Variants in ZDHHC3 observed in about 807,000 individuals in gnomAD.
ZDHHC3 encodes palmitoyltransferase ZDHHC3.
ZDHHC3 carries 9 observed loss-of-function variants against 30.6 expected under a neutral mutation model. The observed-to-expected ratio is 0.29, with a 90% CI of 0.18 to 0.51. ZDHHC3 has a LOEUF of 0.51. Ranked by LOEUF, ZDHHC3 falls within the 20% of genes least tolerant of loss-of-function variation. The probability of loss-of-function intolerance (pLI) is 0.97; values close to 1 mark genes in which losing one functional copy is unlikely to be tolerated. For missense variants in ZDHHC3, 246 were observed against 384.2 expected, an observed-to-expected ratio of 0.64 and a Z score of 3.01; for synonymous variants, 136 against 140.2, an observed-to-expected ratio of 0.97 and a Z score of 0.21.
At chr3:44,933,317 G>A in intron 4 of ZDHHC3, 118 bp from the exon 5 acceptor site, 2 of 845,272 alleles carry the variant, frequency 2.4e-6, no homozygotes, top group South Asian at 3.1e-5. Flanking sequence ...GACAAGGCCT[G>A]ACCAGGAGGG....
chr3:44,935,414 T>C (rs1701872479), intron 3 of ZDHHC3, among the ~76,000 whole-genome samples: 1 of 152,124 alleles, frequency 6.6e-6, no homozygotes, highest in African/African-American at 2.4e-5. Flanking sequence ...GGACCACAGG[T>C]GCACGCCACC....
chr3:44,927,657 T>C (rs970623704), intron 6 of ZDHHC3, among the ~76,000 whole-genome samples: 3 of 152,258 alleles, frequency 2.0e-5, no homozygotes, highest in African/African-American at 7.2e-5. Flanking sequence ...CTTCCCCTGC[T>C]AAGTCTCAGG....
intron 2 of ZDHHC3, among the ~76,000 whole-genome samples, chr3:44,958,373 T>C (rs559056000): frequency 6.6e-6 from 1 of 152,288 alleles, no homozygotes; most frequent in African/African-American, 2.4e-5. Context: ...TAGCAGTGCT[T>C]TCCCTCTCTT....
At position 44,918,249 on chromosome 3, in the gene ZDHHC3, G is replaced by A. The variant is rs1442972086; in HGVS notation, c.*8440C>T. The A allele has an allele frequency of 4.1e-6, 5 of 1,207,556 alleles. No individual in the cohort carries two copies. Among genetic ancestry groups the A allele is most frequent in the Non-Finnish European group, 5.3e-6 (5 of 943,206 alleles). 74.8% of individuals were successfully genotyped at this position (1,207,556 alleles called of 1,614,324 possible). On this transcript the variant is annotated 3_prime_UTR_variant, in exon 7 of 7. Coordinates refer to ENST00000424952, the MANE Select transcript of ZDHHC3 (RefSeq NM_001135179.2). ...TAGCAGTGGCGGGGGGGGGGGCGGG[G>A]TGTCCACGGCATGGGTAAGATGGGG...
intron 2 of ZDHHC3, among the ~76,000 whole-genome samples, chr3:44,957,821 C>T (rs747767128): frequency 2.0e-5 from 3 of 152,238 alleles, no homozygotes; most frequent in Non-Finnish European, 2.9e-5. Context: ...CCTGTCTTTT[C>T]TAGACAGAGG....
intron 2 of ZDHHC3, chr3:44,958,818 T>C: frequency 2.3e-6 from 2 of 855,530 alleles, no homozygotes; most frequent in Non-Finnish European, 1.8e-6. Flanking sequence ...CAAGGTTATC[T>C]GTGTCTTTTT....
intron 3 of ZDHHC3, chr3:44,938,317 C>T (rs1231996204): frequency 1.1e-5 from 2 of 183,172 alleles, no homozygotes; most frequent in Non-Finnish European, 2.3e-5. Flanking sequence ...AGATTGTCAA[C>T]ATTGCTCTAC....
At chr3:44,940,720 G>C (rs1008116654) in intron 3 of ZDHHC3, among the ~76,000 whole-genome samples, 50 of 152,120 alleles carry the variant, frequency 3.3e-4, no homozygotes, top group African/African-American at 1.2e-3. Flanking sequence ...CATTTTTTCA[G>C]GCCTCAAACC....
intron 4 of ZDHHC3, 108 bp downstream of exon 4, chr3:44,933,780 C>CCA: frequency 1.0e-6 from 1 of 1,002,442 alleles, no homozygotes; most frequent in Non-Finnish European, 1.6e-6. Flanking sequence ...ATCTACAGGG[C>CCA]CAGGCAGTAT....
At chr3:44,939,443 T>C (rs1028187306) in intron 3 of ZDHHC3, among the ~76,000 whole-genome samples, 4 of 152,250 alleles carry the variant, frequency 2.6e-5, no homozygotes, top group African/African-American at 9.6e-5. Flanking sequence ...GCTCCCACCA[T>C]AGAGCCTGTT....
Position 44,924,014 on chromosome 3 carries a change from A to C in ZDHHC3, c.*2675T>G, listed in dbSNP as rs1700798491. The stretch of plus-strand genomic sequence containing the variant: ...CAAACCTGACAGAGTTGACAGAAGG[A>C]AAGCAAGCTGGGGATCACAATCCAA... On this transcript the variant is annotated 3_prime_UTR_variant, in exon 7 of 7. Coordinates refer to ENST00000424952, the MANE Select transcript of ZDHHC3 (RefSeq NM_001135179.2). 2 of 985,338 alleles carry C rather than the reference A, an allele frequency of 2.0e-6. No individual in the cohort carries two copies. The highest frequency in any genetic ancestry group is 3.5e-5 in the African/African-American group (2 of 57,242). 61.0% of individuals were successfully genotyped at this position (985,338 alleles called of 1,614,324 possible).
Position 44,918,380 on chromosome 3 carries a change from C to T in ZDHHC3, c.*8309G>A. ...CGTGGAGGAACACAGCAAGCAGGGC[C>T]CGCCTGGTGGACTGACGTGTTCTCC... On this transcript the variant is annotated 3_prime_UTR_variant, in exon 7 of 7. Transcript: ENST00000424952. 1.0e-6 allele frequency: 1 copy of T among 985,308 alleles called. No individual in the cohort carries two copies. The highest frequency in any genetic ancestry group is 1.2e-6 in the Non-Finnish European group (1 of 829,894). 61.0% of individuals were successfully genotyped at this position (985,308 alleles called of 1,614,324 possible). A position where few individuals can be genotyped will look rare whatever the true frequency, so the allele number is the denominator to read the frequency against.
At chr3:44,958,395 T>C (rs577435120) in intron 2 of ZDHHC3, among the ~76,000 whole-genome samples, 1 of 152,164 alleles carries the variant, frequency 6.6e-6, no homozygotes, top group East Asian at 1.9e-4. Context: ...AACACACACG[T>C]CCCACGTACT....
chr3:44,954,259 T>C (rs1703730528), intron 2 of ZDHHC3, among the ~76,000 whole-genome samples: 1 of 152,204 alleles, frequency 6.6e-6, no homozygotes, highest in South Asian at 2.1e-4. Flanking sequence ...AACAATGTGG[T>C]TAAATTGACT....
chr3:44,968,857 G>A (rs902163623), intron 1 of ZDHHC3, among the ~76,000 whole-genome samples: 4 of 152,148 alleles, frequency 2.6e-5, no homozygotes, highest in African/African-American at 9.7e-5. Flanking sequence ...AGAACTACCC[G>A]CCCTGCTTCC....
At chr3:44,953,349 C>T (rs1306544349) in intron 2 of ZDHHC3, among the ~76,000 whole-genome samples, 1 of 152,214 alleles carries the variant, frequency 6.6e-6, no homozygotes, top group African/African-American at 2.4e-5. Flanking sequence ...CATTCTACCA[C>T]CACCAACTAC....
At position 44,926,043 on chromosome 3, in the gene ZDHHC3, T is replaced by C; in HGVS notation, c.*646A>G. 1 of 985,880 alleles carries C rather than the reference T, an allele frequency of 1.0e-6. No individual in the cohort carries two copies. The highest frequency in any genetic ancestry group is 1.2e-6 in the Non-Finnish European group (1 of 829,958). 61.1% of individuals were successfully genotyped at this position (985,880 alleles called of 1,614,324 possible). A position where few individuals can be genotyped will look rare whatever the true frequency, so the allele number is the denominator to read the frequency against. On this transcript the variant is annotated 3_prime_UTR_variant, in exon 7 of 7. Coordinates refer to ENST00000424952, the MANE Select transcript of ZDHHC3 (RefSeq NM_001135179.2). ...CAGAATACAAATAAGACCTCTTTCA[T>C]CTTTCTCCCCACTCCCCCGCAAAAT...
In ZDHHC3 at chr3:44,946,561, G is replaced by C. The variant is rs539917863; in HGVS notation, c.307-1269C>G. 1.6e-3 allele frequency among the ~76,000 whole-genome samples: 238 copies of C among 152,308 alleles called. 1 individual carries two copies. Among genetic ancestry groups the C allele is most frequent in the African/African-American group, 5.4e-3 (225 of 41,564 alleles). On this transcript the variant is annotated intron_variant, in intron 2 of 6. Coordinates refer to ENST00000424952, the MANE Select transcript of ZDHHC3 (RefSeq NM_001135179.2). ...TAAAAGAGGTTACATGCTGTGGAAG[G>C]TATTTGTGTTGAGGGAGCACAGAGG... is the stretch of plus-strand genomic sequence containing the variant.
chr3:44,974,058 G>A (rs1705650361), intron 1 of ZDHHC3, among the ~76,000 whole-genome samples: 5 of 152,194 alleles, frequency 3.3e-5, no homozygotes, highest in Admixed American at 2.0e-4. Flanking sequence ...CACTATTACA[G>A]CAAAGGTGAT....
Sources: allele counts gnomAD v4.1 joint callset (sites outside exome capture counted in the v4.1 genomes callset), GRCh38; gene constraint gnomAD v4.1.1; transcripts MANE v1.5; gene names NCBI Gene and HGNC (gene_info 2026-07-23, HGNC 2026-07-21).